Variants in TFPI observed in about 807,000 individuals in gnomAD.
The protein encoded by TFPI is tissue factor pathway inhibitor.
A neutral mutation model predicts 34.6 loss-of-function variants in TFPI; 15 were observed. The observed-to-expected ratio is 0.43, with a 90% CI of 0.29 to 0.67. TFPI has a LOEUF of 0.67. Ranked by LOEUF, TFPI falls within the 30% of genes least tolerant of loss-of-function variation. The pLI, the probability that TFPI is intolerant of heterozygous loss-of-function variation, is 0.15. For missense variants in TFPI, 301 were observed against 364.0 expected (o/e 0.83, Z 1.41); for synonymous variants, 105 against 120.1 (o/e 0.87, Z 0.82).
chr2:187,490,783 C>T (rs946220326), intron 3 of TFPI, among the ~76,000 whole-genome samples: 1 of 151,436 alleles, frequency 6.6e-6, no homozygotes, highest in Non-Finnish European at 1.5e-5. Flanking sequence ...TTTCTCATTT[C>T]TTCTTTGTTT....
intron 6 of TFPI, among the ~76,000 whole-genome samples, chr2:187,480,112 A>C (rs1211704501): frequency 6.6e-6 from 1 of 152,082 alleles, no homozygotes; most frequent in Non-Finnish European, 1.5e-5. Context: ...GCATTAATTT[A>C]ATTCTAGTAT....
intron 2 of TFPI, among the ~76,000 whole-genome samples, chr2:187,501,328 A>G (rs1685838867): frequency 1.8e-5 from 2 of 112,680 alleles, no homozygotes. Flanking sequence ...GGGATGTTGG[A>G]TAGAAGCTTA....
At position 187,466,977 on chromosome 2, in the gene TFPI, C is replaced by T. The variant is rs5940; in HGVS notation, c.874G>A (p.Val292Met). ...KTKRKRKKQRVKIAYEEIFVK... is the reference protein window; with the variant it reads ...KTKRKRKKQRMKIAYEEIFVK... ...AAAATTTCTTCATATGCTATTTTCA[C>T]TCTCTGCTTCTTTCTTTTTCTTTTG... is the stretch of plus-strand genomic sequence containing the variant. The change falls in exon 8 of 8, where the codon GTG becomes ATG. Residue 292 changes from valine to methionine, a missense_variant. Physicochemically the swap from Val to Met is conservative, Grantham distance 21. Coordinates refer to ENST00000233156, the MANE Select transcript of TFPI (RefSeq NM_006287.6). 0.018 allele frequency: 27,866 copies of T among 1,583,820 alleles called. 343 individuals carry two copies. Among genetic ancestry groups the T allele is most frequent in the Middle Eastern group, 0.029 (170 of 5,892 alleles).
intron 1 of TFPI, among the ~76,000 whole-genome samples, chr2:187,507,330 C>T (rs1686293223): frequency 6.6e-6 from 1 of 152,048 alleles, no homozygotes. Flanking sequence ...TGGGTGGGTT[C>T]CAAGTCTTTT....
chr2:187,498,837 C>G (rs551493517), intron 2 of TFPI, among the ~76,000 whole-genome samples: 1 of 152,016 alleles, frequency 6.6e-6, no homozygotes, highest in African/African-American at 2.4e-5. Flanking sequence ...CAGCACCAAA[C>G]ACAATTGTCA....
chr2:187,490,528 T>C (rs1685046430), intron 3 of TFPI, among the ~76,000 whole-genome samples: 1 of 151,696 alleles, frequency 6.6e-6, no homozygotes, highest in Non-Finnish European at 1.5e-5. Flanking sequence ...TAGTCTACTT[T>C]TACTAATCAT....
intron 4 of TFPI, among the ~76,000 whole-genome samples, chr2:187,486,309 G>A (rs1194351089): frequency 1.3e-5 from 2 of 151,508 alleles, no homozygotes; most frequent in African/African-American, 4.8e-5. Flanking sequence ...TAGTCTTAAT[G>A]TGTACTTTTT....
At chr2:187,487,345 T>A (rs958797123) in intron 4 of TFPI, among the ~76,000 whole-genome samples, 4 of 151,440 alleles carry the variant, frequency 2.6e-5, no homozygotes, top group Non-Finnish European at 5.9e-5. Context: ...GTACATTTAG[T>A]TATGTTTCTT....
intron 2 of TFPI, among the ~76,000 whole-genome samples, chr2:187,502,581 G>A (rs1448823794): frequency 6.6e-6 from 1 of 152,112 alleles, no homozygotes; most frequent in Non-Finnish European, 1.5e-5. Flanking sequence ...TTCATCTCTA[G>A]GAAATTTTTA....
chr2:187,512,036 TATAACACTCCA>T (rs1230625352), intron 1 of TFPI, among the ~76,000 whole-genome samples: 1 of 152,150 alleles, frequency 6.6e-6, no homozygotes, highest in Non-Finnish European at 1.5e-5. Flanking sequence ...TCCATAACCC[TATAACACTCCA>T]ATAACACTTT....
At chr2:187,505,883 G>A (rs1686177928) in intron 1 of TFPI, among the ~76,000 whole-genome samples, 1 of 151,968 alleles carries the variant, frequency 6.6e-6, no homozygotes, top group Admixed American at 6.6e-5. Flanking sequence ...CCCAGAAGGA[G>A]GAAATTGTTG....
chr2:187,542,465 AAG>A (rs1688633178), intron 1 of TFPI, among the ~76,000 whole-genome samples: 1 of 152,148 alleles, frequency 6.6e-6, no homozygotes, highest in Non-Finnish European at 1.5e-5. Context: ...GTGTACAAGA[AAG>A]AGATTGAGAT....
chr2:187,473,583 G>A (rs1692185817), intron 6 of TFPI, among the ~76,000 whole-genome samples: 1 of 152,038 alleles, frequency 6.6e-6, no homozygotes, highest in African/African-American at 2.4e-5. Context: ...GTTAGAGTGA[G>A]TCCAGTGTCC....
At chr2:187,526,786 C>T (rs1310825123) in intron 1 of TFPI, 3 of 151,872 alleles carry the variant, frequency 2.0e-5, no homozygotes, top group Non-Finnish European at 4.4e-5. Context: ...TCAATGAGTA[C>T]TTTGCCATGT....
chr2:187,538,440 A>G (rs1467204678), intron 1 of TFPI, among the ~76,000 whole-genome samples: 2 of 152,228 alleles, frequency 1.3e-5, no homozygotes, highest in Admixed American at 6.5e-5. Flanking sequence ...TTGCAGGGAA[A>G]TAGATGAAGC....
intron 3 of TFPI, among the ~76,000 whole-genome samples, chr2:187,488,936 T>A (rs8176501): frequency 1.3e-5 from 2 of 151,348 alleles, no homozygotes; most frequent in South Asian, 4.1e-4. Flanking sequence ...ATCATTTCCC[T>A]CTAAAACTGG....
intron 6 of TFPI, among the ~76,000 whole-genome samples, chr2:187,476,926 G>A (rs1409680096): frequency 6.6e-6 from 1 of 152,014 alleles, no homozygotes; most frequent in African/African-American, 2.4e-5. Flanking sequence ...GTTGTATAAT[G>A]ATCATAATGA....
intron 1 of TFPI, among the ~76,000 whole-genome samples, chr2:187,551,074 T>C (rs116511230): frequency 1.4e-4 from 22 of 152,294 alleles, no homozygotes; most frequent in African/African-American, 5.3e-4. Context: ...CTGTTTACAT[T>C]TTATCAGTGT....
rs1206849058 is a variant in TFPI at position 187,466,629 on chromosome 2, A to G, written c.*307T>C. On this transcript the variant is annotated 3_prime_UTR_variant, in exon 8 of 8. Coordinates refer to ENST00000233156, the MANE Select transcript of TFPI (RefSeq NM_006287.6). ...ATATTCTCAAACAGATGGTCACCAA[A>G]TGGAATCAAAGGACTGATTTGATGT... The G allele has an allele frequency of 5.2e-6, 1 of 193,622 alleles. No individual in the cohort carries two copies. The allele number at this position is 193,622 out of a possible 1,614,324, so 12.0% of individuals were successfully genotyped here.
Sources: gnomAD v4.1 joint callset for allele counts (sites outside exome capture counted in the v4.1 genomes callset) on GRCh38, gnomAD v4.1.1 for gene constraint, MANE v1.5 for transcripts, NCBI Gene and HGNC (gene_info 2026-07-23, HGNC 2026-07-21) for gene names.